MAP2K6: variants seen among roughly 807,000 people sequenced by gnomAD.
The protein encoded by MAP2K6 is mitogen-activated protein kinase kinase 6.
Under a neutral mutation model 53.7 loss-of-function variants are expected in MAP2K6, and 16 were observed. The observed-to-expected ratio is 0.30, with a 90% confidence interval of 0.20 to 0.45. The LOEUF (loss-of-function observed/expected upper bound fraction) is 0.45, where lower values mean the gene tolerates loss of function less well. Among genes scored for constraint, MAP2K6 ranks in the 20% least tolerant of loss-of-function variants. The pLI is 1.00. For missense variants in MAP2K6, 204 were observed against 411.9 expected, an observed-to-expected ratio of 0.50 and a Z score of 4.37; for synonymous variants, 132 against 143.1, an observed-to-expected ratio of 0.92 and a Z score of 0.55.
At chr17:69,441,511 A>C (rs1197495064) in intron 1 of MAP2K6, among the ~76,000 whole-genome samples, 1 of 152,096 alleles carries the variant, frequency 6.6e-6, no homozygotes, top group Non-Finnish European at 1.5e-5. Flanking sequence ...CTTTGCTGAG[A>C]TGTCCTCTTG....
At chr17:69,534,239 A>G (rs1176320669) in intron 10 of MAP2K6, among the ~76,000 whole-genome samples, 1 of 152,204 alleles carries the variant, frequency 6.6e-6, no homozygotes, top group Non-Finnish European at 1.5e-5. Flanking sequence ...CTAGGTACCT[A>G]CAAAACCATC....
intron 10 of MAP2K6, among the ~76,000 whole-genome samples, chr17:69,530,553 A>G (rs1336671387): frequency 6.6e-6 from 1 of 152,110 alleles, no homozygotes; most frequent in Non-Finnish European, 1.5e-5. Flanking sequence ...TTAATTCTGA[A>G]TTTTATGAGC....
chr17:69,421,173 T>A (rs926414499), intron 1 of MAP2K6, among the ~76,000 whole-genome samples: 1 of 152,238 alleles, frequency 6.6e-6, no homozygotes, highest in Admixed American at 6.5e-5. Context: ...GCTCCTAAGT[T>A]TTATGAAAGA....
At chr17:69,446,475 T>G (rs1906966876) in intron 1 of MAP2K6, among the ~76,000 whole-genome samples, 1 of 152,252 alleles carries the variant, frequency 6.6e-6, no homozygotes, top group African/African-American at 2.4e-5. Context: ...CCTCAGTTTC[T>G]CCACCAATGT....
At chr17:69,489,926 G>A (rs1484167279) in intron 1 of MAP2K6, among the ~76,000 whole-genome samples, 1 of 152,214 alleles carries the variant, frequency 6.6e-6, no homozygotes, top group Non-Finnish European at 1.5e-5. Context: ...TGCAAAACAT[G>A]ACTCTCACAA....
Position 69,502,125 on chromosome 17 carries a change from T to C in MAP2K6, c.17-3655T>C, listed in dbSNP as rs537720477. On this transcript the variant is annotated intron_variant, in intron 1 of 11. Coordinates refer to ENST00000590474, the MANE Select transcript of MAP2K6 (RefSeq NM_002758.4). ...TATAGATTTATTCCTCCAAGTCTGG[T>C]TAATGATTAATGTCACGCCTGGGTG... The C allele has an allele frequency of 7.2e-6, 7 of 976,384 alleles. No homozygotes were observed. In the South Asian group the frequency reaches 2.8e-4, roughly 40 times the overall value. The allele number at this position is 976,384 out of a possible 1,614,324, so 60.5% of individuals were successfully genotyped here. A position where few individuals can be genotyped will look rare whatever the true frequency, so the allele number is the denominator to read the frequency against.
In MAP2K6 at chr17:69,520,353, T is replaced by C; in HGVS notation, c.450T>C (p.Ile150=). The change falls in exon 6 of 12, where the codon ATT becomes ATC. Residue 150 remains isoleucine (I), a synonymous_variant. Coordinates refer to ENST00000590474, the MANE Select transcript of MAP2K6 (RefSeq NM_002758.4). ...YKQVIDKGQT[I]PEDILGKIAV... ...AAGTTATTGATAAAGGCCAGACAAT[T>C]CCAGAGGACATCTTAGGGAAAATAG... The C allele has an allele frequency of 6.2e-7, 1 of 1,610,798 alleles. No homozygotes were observed. Among genetic ancestry groups the C allele is most frequent in the Non-Finnish European group, 8.5e-7 (1 of 1,178,310 alleles).
intron 1 of MAP2K6, among the ~76,000 whole-genome samples, chr17:69,430,124 C>T (rs1047959889): frequency 2.0e-5 from 3 of 152,020 alleles, no homozygotes; most frequent in African/African-American, 4.8e-5. Context: ...GTCAGGAGTT[C>T]GAGACCAGCC....
In MAP2K6 at chr17:69,552,363, A is replaced by G. The variant is rs1250236541; in HGVS notation, c.*10610A>G. On this transcript the variant is annotated 3_prime_UTR_variant, in exon 12 of 12. Coordinates refer to ENST00000590474, the MANE Select transcript of MAP2K6 (RefSeq NM_002758.4). ...AAAGTAGTGTCTCTGGAGAGTTTAA[A>G]ATAAAAGAATGAATGCTATTCAGTG... 6.6e-6 allele frequency: 1 copy of G among 152,220 alleles called. No individual in the cohort carries two copies. The highest frequency in any genetic ancestry group is 1.5e-5 in the Non-Finnish European group (1 of 68,046). 9.4% of individuals were successfully genotyped at this position (152,220 alleles called of 1,614,324 possible).
intron 1 of MAP2K6, among the ~76,000 whole-genome samples, chr17:69,503,295 A>G (rs1909266614): frequency 6.6e-6 from 1 of 152,226 alleles, no homozygotes; most frequent in Non-Finnish European, 1.5e-5. Context: ...GCTGAGGTGC[A>G]TGGATGGGAA....
chr17:69,541,995 A>C lies in MAP2K6; in HGVS notation c.*242A>C, dbSNP rs1460640557. 1.5e-5 allele frequency: 4 copies of C among 261,060 alleles called. No homozygotes were observed. The highest frequency in any genetic ancestry group is 5.1e-5 in the Admixed American group (1 of 19,630). The allele number at this position is 261,060 out of a possible 1,614,324, so 16.2% of individuals were successfully genotyped here. A position where few individuals can be genotyped will look rare whatever the true frequency, so the allele number is the denominator to read the frequency against. ...GGCTTAGGACTTCAAAAGGTGATTA[A>C]ATATTTAATGATGTGTCATATGAGT... On this transcript the variant is annotated 3_prime_UTR_variant, in exon 12 of 12. Transcript: ENST00000590474.
chr17:69,446,062 T>A (rs1906955667), intron 1 of MAP2K6, among the ~76,000 whole-genome samples: 1 of 152,184 alleles, frequency 6.6e-6, no homozygotes, highest in Non-Finnish European at 1.5e-5. Context: ...AGAAAAGAAG[T>A]GCTTATTTTT....
intron 1 of MAP2K6, among the ~76,000 whole-genome samples, chr17:69,443,504 T>C (rs952104676): frequency 2.0e-4 from 30 of 152,226 alleles, no homozygotes; most frequent in African/African-American, 7.2e-4. Flanking sequence ...ATTCAGTTGA[T>C]AAAAATCTGA....
Position 69,520,261 on chromosome 17 carries a change from G to T in MAP2K6, c.367-9G>T. On this transcript the variant is annotated splice_polypyrimidine_tract_variant and intron_variant, in intron 5 of 11. Transcript: ENST00000590474. The stretch of plus-strand genomic sequence containing the variant: ...CTTTTAAACAATTCCTGAAACAATT[G>T]GTCTCCAGGGTGATGTGTGGATCTG... 4 of 1,360,074 alleles carry T rather than the reference G, an allele frequency of 2.9e-6. No individual in the cohort carries two copies. The highest frequency in any genetic ancestry group is 4.1e-6 in the Non-Finnish European group (4 of 974,744). 84.3% of individuals were successfully genotyped at this position (1,360,074 alleles called of 1,614,324 possible).
chr17:69,463,429 A>G (rs1267355785), intron 1 of MAP2K6, among the ~76,000 whole-genome samples: 2 of 149,540 alleles, frequency 1.3e-5, no homozygotes, highest in Non-Finnish European at 3.0e-5. Flanking sequence ...AATAGTGAAT[A>G]TAAGTATATT....
At chr17:69,527,731 G>T (rs1030377132) in intron 10 of MAP2K6, among the ~76,000 whole-genome samples, 1 of 152,170 alleles carries the variant, frequency 6.6e-6, no homozygotes, top group Non-Finnish European at 1.5e-5. Flanking sequence ...ACTCACTGCT[G>T]GGGAAGGGCC....
At chr17:69,459,604 C>T (rs763322757) in intron 1 of MAP2K6, among the ~76,000 whole-genome samples, 5 of 145,580 alleles carry the variant, frequency 3.4e-5, no homozygotes, top group Admixed American at 1.4e-4. Context: ...CCCAGCTACT[C>T]GGGAGGCTGA....
chr17:69,493,735 T>C (rs1261334400), intron 1 of MAP2K6, among the ~76,000 whole-genome samples: 1 of 151,354 alleles, frequency 6.6e-6, no homozygotes, highest in Non-Finnish European at 1.5e-5. Context: ...CAGTCCAGCC[T>C]GGGGGACAGA....
intron 1 of MAP2K6, among the ~76,000 whole-genome samples, chr17:69,473,641 C>G (rs1054661718): frequency 1.3e-5 from 2 of 152,108 alleles, no homozygotes; most frequent in African/African-American, 4.8e-5. Context: ...TTGTCCCCCT[C>G]CAGTGTTGAA....
Sources: gnomAD v4.1 joint callset for allele counts (sites outside exome capture counted in the v4.1 genomes callset) on GRCh38, gnomAD v4.1.1 for gene constraint, MANE v1.5 for transcripts, NCBI Gene and HGNC (gene_info 2026-07-23, HGNC 2026-07-21) for gene names.